GALNT17: variants seen among roughly 807,000 people sequenced by gnomAD.
The protein encoded by GALNT17 is UDP-GalNAc:polypeptide N-acetylgalactosaminyltransferase-like 3.
GALNT17 carries 29 observed loss-of-function variants against 63.7 expected under a neutral mutation model. The ratio of observed to expected loss-of-function variants is 0.46; its 90% CI spans 0.34 to 0.62. The LOEUF (loss-of-function observed/expected upper bound fraction) is 0.62, where lower values mean the gene tolerates loss of function less well. GALNT17 is among the 20% of genes least tolerant of loss of function. The pLI is 0.01. For missense variants in GALNT17, 603 were observed against 799.6 expected (o/e 0.75, Z 2.97); for synonymous variants, 305 against 318.3 (o/e 0.96, Z 0.45).
At chr7:71,478,030 G>C (rs556515508) in intron 5 of GALNT17, among the ~76,000 whole-genome samples, 1 of 152,278 alleles carries the variant, frequency 6.6e-6, no homozygotes, top group East Asian at 1.9e-4. Context: ...ACATGGCTGT[G>C]AACATTTAGA....
chr7:71,711,600 C>CTCTA (rs1307734657), intron 10 of GALNT17, among the ~76,000 whole-genome samples: 2 of 150,746 alleles, frequency 1.3e-5, no homozygotes, highest in African/African-American at 4.9e-5. Context: ...CTTGTCTCTC[C>CTCTA]TCTATCTCCT....
chr7:71,658,887 C>CA (rs56210915), intron 6 of GALNT17, among the ~76,000 whole-genome samples: 3,753 of 143,424 alleles, frequency 0.026, 45 homozygotes, highest in African/African-American at 0.034. Flanking sequence ...GACTCTGTCT[C>CA]AAAAAAAAAA....
intron 1 of GALNT17, among the ~76,000 whole-genome samples, chr7:71,226,573 G>A (rs1404728266): frequency 2.6e-5 from 4 of 152,034 alleles, no homozygotes; most frequent in Admixed American, 6.6e-5. Context: ...TCTGCCTCCC[G>A]GTTTCAAGTG....
At chr7:71,403,097 A>G (rs1002309768) in intron 3 of GALNT17, among the ~76,000 whole-genome samples, 2 of 152,222 alleles carry the variant, frequency 1.3e-5, no homozygotes, top group Non-Finnish European at 2.9e-5. Context: ...GGAGGAAAGA[A>G]TGAGAGTGTG....
At chr7:71,323,629 A>G (rs1183669462) in intron 1 of GALNT17, among the ~76,000 whole-genome samples, 1 of 152,210 alleles carries the variant, frequency 6.6e-6, no homozygotes, top group Non-Finnish European at 1.5e-5. Flanking sequence ...TGATATATGA[A>G]CTAGGGAATC....
intron 1 of GALNT17, among the ~76,000 whole-genome samples, chr7:71,317,648 G>C (rs1456060544): frequency 1.3e-5 from 2 of 152,210 alleles, no homozygotes; most frequent in African/African-American, 4.8e-5. Context: ...CCACAACGTG[G>C]AGGGCTGGAG....
intron 5 of GALNT17, among the ~76,000 whole-genome samples, chr7:71,557,231 C>T (rs1463226616): frequency 1.3e-5 from 2 of 152,070 alleles, no homozygotes. Flanking sequence ...CCCATAGTGC[C>T]TGCATTGATA....
At chr7:71,393,920 T>G (rs1793094783) in intron 3 of GALNT17, among the ~76,000 whole-genome samples, 1 of 152,166 alleles carries the variant, frequency 6.6e-6, no homozygotes, top group Non-Finnish European at 1.5e-5. Flanking sequence ...CCATCTGATA[T>G]TGTCACGCAG....
intron 2 of GALNT17, among the ~76,000 whole-genome samples, chr7:71,372,104 C>G (rs1792634867): frequency 6.6e-6 from 1 of 152,188 alleles, no homozygotes. Context: ...CGGCAGCTTC[C>G]TGATTAGCTA....
chr7:71,682,588 A>AT (rs113269811), intron 9 of GALNT17, among the ~76,000 whole-genome samples: 81,892 of 152,020 alleles, frequency 0.54, 25,586 homozygotes, highest in East Asian at 0.84. Flanking sequence ...TCTGTCACCC[A>AT]AGCTCGAGTC....
chr7:71,159,678 A>T (rs1746613180), intron 1 of GALNT17, among the ~76,000 whole-genome samples: 1 of 148,738 alleles, frequency 6.7e-6, no homozygotes. Context: ...GGTGCTTACC[A>T]CTTGTGAGCC....
Position 71,512,352 on chromosome 7 carries a change from T to G in GALNT17, c.963-58933T>G, listed in dbSNP as rs1788374394. On this transcript the variant is annotated intron_variant, in intron 5 of 10. Transcript: ENST00000333538. ...TCATGGAAGTTCCCCTTCTTTGCTCTCTGTGTCGTGACACGTGACAGTGAG... is the reference window on the plus strand; with the variant it reads ...TCATGGAAGTTCCCCTTCTTTGCTCGCTGTGTCGTGACACGTGACAGTGAG... 1.3e-5 allele frequency among the ~76,000 whole-genome samples: 2 copies of G among 152,076 alleles called. 1 individual carries two copies. Among genetic ancestry groups the G allele is most frequent in the South Asian group, 4.2e-4 (2 of 4,802 alleles).
intron 1 of GALNT17, among the ~76,000 whole-genome samples, chr7:71,165,665 A>G (rs1788426835): frequency 6.6e-6 from 1 of 152,252 alleles, no homozygotes; most frequent in Non-Finnish European, 1.5e-5. Context: ...GTGGGGACAC[A>G]GCCAAACCAT....
At chr7:71,162,123 C>CCCTCCCTTCCTTCCTTCCTTCCTT in intron 1 of GALNT17, among the ~76,000 whole-genome samples, 1 of 53,780 alleles carries the variant, frequency 1.9e-5, no homozygotes, top group Admixed American at 2.3e-4. Flanking sequence ...CTCCCTCCCT[C>CCCTCCCTTCCTTCCTTCCTTCCTT]CCTTCCTTCC....
intron 2 of GALNT17, among the ~76,000 whole-genome samples, chr7:71,371,288 A>G (rs1200012556): frequency 1.3e-5 from 2 of 152,204 alleles, no homozygotes; most frequent in South Asian, 4.1e-4. Context: ...TTTGCTTATG[A>G]TAAAAAAAGA....
intron 6 of GALNT17, among the ~76,000 whole-genome samples, chr7:71,616,232 G>A (rs1001024804): frequency 6.6e-6 from 1 of 151,890 alleles, no homozygotes; most frequent in Non-Finnish European, 1.5e-5. Context: ...TAGGGTGGGC[G>A]ATTCACAGTA....
intron 1 of GALNT17, among the ~76,000 whole-genome samples, chr7:71,303,076 G>C (rs570247692): frequency 1.3e-5 from 2 of 151,970 alleles, no homozygotes; most frequent in Non-Finnish European, 2.9e-5. Context: ...CGTTGGCCAG[G>C]GTGGTCTTGA....
chr7:71,327,125 C>CAT (rs1791718210), intron 1 of GALNT17, among the ~76,000 whole-genome samples: 2 of 152,110 alleles, frequency 1.3e-5, no homozygotes. Flanking sequence ...TGGAGGTGAC[C>CAT]ACATGTATGC....
intron 5 of GALNT17, among the ~76,000 whole-genome samples, chr7:71,566,682 T>G (rs1007205201): frequency 6.8e-6 from 1 of 146,744 alleles, no homozygotes; most frequent in East Asian, 1.9e-4. Flanking sequence ...TTTTTTTTTT[T>G]CCTGCTCTGG....
Sources: gnomAD v4.1 joint callset for allele counts (sites outside exome capture counted in the v4.1 genomes callset) on GRCh38, gnomAD v4.1.1 for gene constraint, MANE v1.5 for transcripts, NCBI Gene and HGNC (gene_info 2026-07-23, HGNC 2026-07-21) for gene names.